Variants in TPO observed in about 807,000 individuals in gnomAD.
TPO encodes thyroid microsomal antigen.
TPO carries 78 observed loss-of-function variants against 96.9 expected under a neutral mutation model. That is an observed-to-expected ratio of 0.81 (90% confidence interval 0.67 to 0.97). The LOEUF (loss-of-function observed/expected upper bound fraction) is 0.97. Among genes scored for constraint, TPO ranks in the 50% least tolerant of loss-of-function variants. The pLI is 0.00. For missense variants in TPO, 1,252 were observed against 1,274.8 expected (o/e 0.98, Z 0.27); for synonymous variants, 547 against 538.0 (o/e 1.02, Z -0.23).
At chr2:1,403,011 G>GA (rs1662195180) in intron 1 of TPO, among the ~76,000 whole-genome samples, 1 of 152,202 alleles carries the variant, frequency 6.6e-6, no homozygotes, top group Non-Finnish European at 1.5e-5. Flanking sequence ...CGCAATATGG[G>GA]AAAAGATAAT....
intron 1 of TPO, among the ~76,000 whole-genome samples, chr2:1,396,794 A>G (rs1662086295): frequency 6.6e-6 from 1 of 152,132 alleles, no homozygotes. Flanking sequence ...TTTGCAAGCT[A>G]TGTGTGGGCA....
At chr2:1,425,812 T>C (rs556481901) in intron 3 of TPO, among the ~76,000 whole-genome samples, 5 of 152,090 alleles carry the variant, frequency 3.3e-5, no homozygotes. Flanking sequence ...AAGTCTATGC[T>C]CCTTCTGTAA....
chr2:1,508,849 T>C (rs949096884), intron 14 of TPO, among the ~76,000 whole-genome samples: 6 of 152,224 alleles, frequency 3.9e-5, no homozygotes, highest in African/African-American at 1.2e-4. Flanking sequence ...CCTGGATTCA[T>C]TAATTTTTTG....
At chr2:1,529,828 C>G (rs1407062728) in intron 15 of TPO, among the ~76,000 whole-genome samples, 1 of 140,058 alleles carries the variant, frequency 7.1e-6, no homozygotes, top group Non-Finnish European at 1.5e-5. Flanking sequence ...GCAGCCTCCC[C>G]AAATCCCCCC....
intron 3 of TPO, among the ~76,000 whole-genome samples, chr2:1,432,705 GGT>G (rs1176443424): frequency 6.2e-5 from 6 of 96,036 alleles, no homozygotes; most frequent in Non-Finnish European, 4.0e-5. Context: ...CTGCAGGTGA[GGT>G]GAGGCCCCAG....
At chr2:1,429,060 A>AAAT (rs1487514501) in intron 3 of TPO, among the ~76,000 whole-genome samples, 1 of 152,220 alleles carries the variant, frequency 6.6e-6, no homozygotes, top group African/African-American at 2.4e-5. Flanking sequence ...TTATATTTTA[A>AAAT]GTTAAATGTC....
At chr2:1,384,686 A>G (rs1172160199) in intron 1 of TPO, among the ~76,000 whole-genome samples, 3 of 152,030 alleles carry the variant, frequency 2.0e-5, no homozygotes, top group African/African-American at 7.3e-5. Context: ...CTCTTTTCCT[A>G]ATTGAATACC....
At chr2:1,457,240 TG>T (rs1202459789) in intron 7 of TPO, among the ~76,000 whole-genome samples, 1 of 90,884 alleles carries the variant, frequency 1.1e-5, no homozygotes, top group African/African-American at 4.5e-5. Context: ...GTACATAGCA[TG>T]TATGATACTG....
intron 5 of TPO, among the ~76,000 whole-genome samples, chr2:1,445,800 C>T (rs1666748103): frequency 4.9e-5 from 1 of 20,300 alleles, no homozygotes; most frequent in African/African-American, 1.1e-4. Context: ...CCACTCATTG[C>T]TGCAGGAGGT....
upstream of TPO, among the ~76,000 whole-genome samples, chr2:1,413,287 G>A (rs941059809): frequency 3.3e-5 from 5 of 152,120 alleles, no homozygotes; most frequent in African/African-American, 7.2e-5. Context: ...TGTGGACCCC[G>A]ATGACATGGC....
intron 15 of TPO, among the ~76,000 whole-genome samples, chr2:1,530,264 G>T (rs1410916387): frequency 1.3e-5 from 1 of 76,464 alleles, no homozygotes; most frequent in Non-Finnish European, 2.4e-5. Flanking sequence ...TCCCCCCACT[G>T]TGTGCAACCT....
At chr2:1,440,210 G>A (rs1449963753) in intron 5 of TPO, among the ~76,000 whole-genome samples, 2 of 151,430 alleles carry the variant, frequency 1.3e-5, no homozygotes, top group Non-Finnish European at 2.9e-5. Context: ...ATTCCAAAGC[G>A]ACCTTTGGGT....
chr2:1,443,125 C>T (rs1666354977), intron 5 of TPO, among the ~76,000 whole-genome samples: 1 of 152,210 alleles, frequency 6.6e-6, no homozygotes, highest in Non-Finnish European at 1.5e-5. Flanking sequence ...TGATGAACTA[C>T]TGCAGTAAAC....
chr2:1,501,668 A>G (rs1672888342), intron 13 of TPO, among the ~76,000 whole-genome samples: 1 of 152,172 alleles, frequency 6.6e-6, no homozygotes, highest in Non-Finnish European at 1.5e-5. Flanking sequence ...GTGCCCTCAT[A>G]GGAAGCAGAG....
At chr2:1,458,093 G>A (rs539385454) in intron 7 of TPO, among the ~76,000 whole-genome samples, 13 of 151,224 alleles carry the variant, frequency 8.6e-5, no homozygotes, top group Non-Finnish European at 5.9e-5. Context: ...TTGTGGGCAC[G>A]TGCGTTTATG....
At chr2:1,523,490 C>T (rs930578133) in intron 15 of TPO, among the ~76,000 whole-genome samples, 1 of 131,856 alleles carries the variant, frequency 7.6e-6, no homozygotes, top group Non-Finnish European at 1.6e-5. Flanking sequence ...TATGCAAACT[C>T]CCCAAATCCC....
intron 16 of TPO, 195 bp from the exon 17 acceptor site, chr2:1,542,226 C>A: frequency 2.8e-6 from 2 of 725,814 alleles, no homozygotes; most frequent in Non-Finnish European, 4.6e-6. Context: ...CCTCTGTGGC[C>A]TCCTGCAAAC....
intron 10 of TPO, among the ~76,000 whole-genome samples, chr2:1,489,236 G>T (rs1252943842): frequency 6.8e-6 from 1 of 147,454 alleles, no homozygotes; most frequent in East Asian, 2.1e-4. Flanking sequence ...CACATGCCCA[G>T]CACATGCCTA....
intron 10 of TPO, among the ~76,000 whole-genome samples, chr2:1,490,492 G>A (rs1240390788): frequency 1.4e-5 from 2 of 144,408 alleles, no homozygotes; most frequent in Non-Finnish European, 3.1e-5. Flanking sequence ...GGGGAGTCAC[G>A]ACACAGCAGT....
Sources: allele counts gnomAD v4.1 joint callset (sites outside exome capture counted in the v4.1 genomes callset), GRCh38; gene constraint gnomAD v4.1.1; transcripts MANE v1.5; gene names NCBI Gene and HGNC (gene_info 2026-07-23, HGNC 2026-07-21).